The following FUBP3 variants were observed in gnomAD, a reference collection of about 807,000 sequenced individuals.
FUBP3 encodes the protein far upstream element-binding protein 3.
Under a neutral mutation model 85.6 loss-of-function variants are expected in FUBP3, and 28 were observed. That is an observed-to-expected ratio of 0.33 (90% CI 0.24 to 0.45). FUBP3 has a LOEUF of 0.45. FUBP3 is among the 20% of genes least tolerant of loss of function. FUBP3 has a pLI of 1.00. For missense variants in FUBP3, 583 were observed against 755.1 expected, an observed-to-expected ratio of 0.77 and a Z score of 2.67; for synonymous variants, 271 against 271.4, an observed-to-expected ratio of 1.00 and a Z score of 0.01.
intron 16 of FUBP3, 176 bp from the exon 17 acceptor site, chr9:130,634,491 G>GTTAC: frequency 1.7e-6 from 1 of 597,028 alleles, no homozygotes; most frequent in Non-Finnish European, 3.0e-6. Context: ...AGTGATCTTA[G>GTTAC]TTACACCCCT....
chr9:130,623,004 G>A (rs757898620), intron 10 of FUBP3, among the ~76,000 whole-genome samples, 194 bp downstream of exon 10: 1 of 151,900 alleles, frequency 6.6e-6, no homozygotes, highest in Non-Finnish European at 1.5e-5. Context: ...TTCCCTCCCC[G>A]GATACATGTC....
intron 2 of FUBP3, among the ~76,000 whole-genome samples, chr9:130,608,976 A>G (rs1407815895): frequency 1.3e-5 from 2 of 152,166 alleles, no homozygotes; most frequent in East Asian, 1.9e-4. Flanking sequence ...GGTGTAATCG[A>G]TCCTTTGCGA....
chr9:130,631,735 C>T (rs1830218889), intron 14 of FUBP3, 105 bp downstream of exon 14: 1 of 977,028 alleles, frequency 1.0e-6, no homozygotes. Flanking sequence ...GCCTGAAGTT[C>T]TGGGCGTGGG....
At chr9:130,582,081 TC>T (rs1830152636) in intron 1 of FUBP3, 1 of 152,208 alleles carries the variant, frequency 6.6e-6, no homozygotes, top group African/African-American at 2.4e-5. Flanking sequence ...GTAAACATTT[TC>T]TCCAGCAGTG....
At chr9:130,617,399 C>T (rs1275221996) in intron 7 of FUBP3, among the ~76,000 whole-genome samples, 1 of 152,172 alleles carries the variant, frequency 6.6e-6, no homozygotes, top group Non-Finnish European at 1.5e-5. Context: ...CAGTTTTGGT[C>T]CGCCACTCAT....
chr9:130,636,419 G>C (rs1482698575), intron 18 of FUBP3, among the ~76,000 whole-genome samples: 1 of 152,242 alleles, frequency 6.6e-6, no homozygotes, highest in Non-Finnish European at 1.5e-5. Flanking sequence ...CTGATTAGTA[G>C]TCTCTCTCTT....
intron 14 of FUBP3, 63 bp from the exon 15 acceptor site, chr9:130,631,879 G>C: frequency 8.1e-7 from 1 of 1,238,870 alleles, no homozygotes; most frequent in East Asian, 2.3e-5. Flanking sequence ...CTGGGGCTGC[G>C]GGGAGGGGAC....
intron 1 of FUBP3, among the ~76,000 whole-genome samples, chr9:130,588,198 A>C (rs2119009522): frequency 6.6e-6 from 1 of 152,330 alleles, no homozygotes; most frequent in South Asian, 2.1e-4. Flanking sequence ...CTTGAGCTTC[A>C]GACAGTATGA....
intron 2 of FUBP3, among the ~76,000 whole-genome samples, chr9:130,596,877 G>T (rs558000730): frequency 2.9e-4 from 44 of 152,176 alleles, no homozygotes; most frequent in Middle Eastern, 6.8e-3. Context: ...GAAAACGGGG[G>T]TATCCATCCC....
intron 1 of FUBP3, among the ~76,000 whole-genome samples, chr9:130,590,909 A>T (rs1281611157): frequency 6.6e-6 from 1 of 151,992 alleles, no homozygotes; most frequent in Non-Finnish European, 1.5e-5. Flanking sequence ...GGTTTTTGCC[A>T]TATCATTGAA....
At chr9:130,627,452 T>G (rs1159938482) in intron 12 of FUBP3, among the ~76,000 whole-genome samples, 1 of 152,234 alleles carries the variant, frequency 6.6e-6, no homozygotes, top group Non-Finnish European at 1.5e-5. Flanking sequence ...GACTTGGGGA[T>G]GCTTCACCAG....
At chr9:130,632,046 T>A (rs753978394) in intron 15 of FUBP3, 24 bp downstream of exon 15, 11 of 1,569,286 alleles carry the variant, frequency 7.0e-6, no homozygotes, top group Non-Finnish European at 9.7e-6. Flanking sequence ...TGTGACTCAG[T>A]TGGGGACAGA....
chr9:130,631,149 C>A, intron 13 of FUBP3: 1 of 1,149,688 alleles, frequency 8.7e-7, no homozygotes, highest in Non-Finnish European at 1.1e-6. Context: ...CTTTCATTGA[C>A]TCTGGCTTTA....
chr9:130,604,339 A>G (rs989853908), intron 2 of FUBP3, among the ~76,000 whole-genome samples: 28 of 152,326 alleles, frequency 1.8e-4, no homozygotes, highest in Non-Finnish European at 2.6e-4. Flanking sequence ...GACCAAGGCC[A>G]GATAGATACA....
Position 130,636,090 on chromosome 9 carries a change from CGGACAGACGTTA to C in FUBP3, c.1677_1688del (p.Thr561_Gln564del). 1 of 1,613,664 alleles carries C rather than the reference CGGACAGACGTTA, an allele frequency of 6.2e-7. No individual in the cohort carries two copies. Among genetic ancestry groups the C allele is most frequent in the Non-Finnish European group, 8.5e-7 (1 of 1,179,796 alleles). On this transcript the variant is annotated inframe_deletion, in exon 18 of 19. Transcript: ENST00000319725. Reference sequence around the variant, plus strand: ...ATTACAGACAGCAGGTCGCTTTCTACGGACAGACGTTAGGGCAGGCGCAGGCCCACAGCCAGG... The same window carrying C: ...ATTACAGACAGCAGGTCGCTTTCTACGGGCAGGCGCAGGCCCACAGCCAGG...
At chr9:130,625,900 G>T (rs1442723922) in intron 11 of FUBP3, among the ~76,000 whole-genome samples, 1 of 152,210 alleles carries the variant, frequency 6.6e-6, no homozygotes, top group African/African-American at 2.4e-5. Context: ...TGGAGTGCCA[G>T]GTGTTGTGAC....
chr9:130,587,629 T>C (rs539284812), intron 1 of FUBP3, among the ~76,000 whole-genome samples: 1 of 152,348 alleles, frequency 6.6e-6, no homozygotes, highest in Non-Finnish European at 1.5e-5. Context: ...TTTAACTTTT[T>C]CAGAACGTGG....
intron 2 of FUBP3, among the ~76,000 whole-genome samples, chr9:130,595,936 C>T (rs549084957): frequency 3.9e-5 from 6 of 152,306 alleles, no homozygotes; most frequent in East Asian, 1.9e-4. Context: ...AGAAAAGCTA[C>T]GATTTGGTGC....
chr9:130,582,967 C>A (rs1239359761), intron 1 of FUBP3, among the ~76,000 whole-genome samples: 1 of 152,142 alleles, frequency 6.6e-6, no homozygotes, highest in African/African-American at 2.4e-5. Flanking sequence ...AGCATTAGAT[C>A]TGTTTTGATC....
Sources: allele counts gnomAD v4.1 joint callset (sites outside exome capture counted in the v4.1 genomes callset), GRCh38; gene constraint gnomAD v4.1.1; transcripts MANE v1.5; gene names NCBI Gene and HGNC (gene_info 2026-07-23, HGNC 2026-07-21).